The following ANGPT2 variants were observed in gnomAD, a reference collection of about 807,000 sequenced individuals.
ANGPT2 encodes angiopoietin 2.
ANGPT2 carries 28 observed loss-of-function variants against 62.9 expected under a neutral mutation model. The ratio of observed to expected loss-of-function variants is 0.44; its 90% CI spans 0.33 to 0.61. The LOEUF is 0.61. Ranked by LOEUF, ANGPT2 falls within the 20% of genes least tolerant of loss-of-function variation. The pLI is 0.03. For synonymous variants in ANGPT2, 284 were observed against 207.8 expected, an observed-to-expected ratio of 1.37 and a Z score of -3.15; for missense variants, 727 against 594.9, an observed-to-expected ratio of 1.22 and a Z score of -2.31.
At chr8:6,526,481 T>G (rs1268519161) in intron 3 of ANGPT2, among the ~76,000 whole-genome samples, 2 of 151,970 alleles carry the variant, frequency 1.3e-5, no homozygotes, top group Non-Finnish European at 2.9e-5. Flanking sequence ...GATTGTTATA[T>G]CTCAATGATT....
At position 6,502,214 on chromosome 8, in the gene ANGPT2, C is replaced by T. The variant is rs796132394; in HGVS notation, c.*887G>A. 9 of 152,098 alleles carry T rather than the reference C, an allele frequency of 5.9e-5. No individual in the cohort carries two copies. The highest frequency in any genetic ancestry group is 2.2e-4 in the African/African-American group (9 of 41,512). 9.4% of individuals were successfully genotyped at this position (152,098 alleles called of 1,614,324 possible). On this transcript the variant is annotated 3_prime_UTR_variant, in exon 9 of 9. Coordinates refer to ENST00000629816, the MANE Select transcript of ANGPT2 (RefSeq NM_001118887.2). ...CCTCATCATTAAAAGTAAGAAGTTT[C>T]CTTATCACAAGGCACAATTAGGTCT...
chr8:6,522,224 G>T (rs1239749049), intron 3 of ANGPT2, among the ~76,000 whole-genome samples: 4 of 152,114 alleles, frequency 2.6e-5, no homozygotes, highest in African/African-American at 9.6e-5. Context: ...GCGTGGTGGC[G>T]GGCGCCTGTA....
intron 1 of ANGPT2, among the ~76,000 whole-genome samples, chr8:6,541,489 C>G (rs1821566126): frequency 6.6e-6 from 1 of 152,136 alleles, no homozygotes; most frequent in South Asian, 2.1e-4. Context: ...AGACAGGAAA[C>G]CAAAGCCAGG....
chr8:6,503,085 A>T lies in ANGPT2; in HGVS notation c.*16T>A. 1 of 1,614,034 alleles carries T rather than the reference A, an allele frequency of 6.2e-7. No homozygotes were observed. The highest frequency in any genetic ancestry group is 8.5e-7 in the Non-Finnish European group (1 of 1,179,944). ...TGAAAATAGTTCGAGACAGTTCCTCAGGTGGACTGGGATGTTTAGAAATCT... is the reference window on the plus strand; with the variant it reads ...TGAAAATAGTTCGAGACAGTTCCTCTGGTGGACTGGGATGTTTAGAAATCT... On this transcript the variant is annotated 3_prime_UTR_variant, in exon 9 of 9. Transcript: ENST00000629816.
chr8:6,552,044 A>G (rs1402077206), intron 1 of ANGPT2, among the ~76,000 whole-genome samples: 7 of 152,382 alleles, frequency 4.6e-5, no homozygotes, highest in African/African-American at 7.2e-5. Flanking sequence ...TCCAGAAATT[A>G]TGGCAGAGAA....
intron 2 of ANGPT2, among the ~76,000 whole-genome samples, chr8:6,529,596 A>G (rs1218247854): frequency 2.0e-5 from 3 of 149,662 alleles, no homozygotes; most frequent in Non-Finnish European, 4.4e-5. Flanking sequence ...AACTGGGTCT[A>G]TAAGTGCACA....
At chr8:6,531,886 T>C (rs533711830) in intron 2 of ANGPT2, among the ~76,000 whole-genome samples, 7 of 152,338 alleles carry the variant, frequency 4.6e-5, no homozygotes, top group South Asian at 2.1e-4. Flanking sequence ...CTGTGTTAGC[T>C]GTTGAGATTC....
intron 1 of ANGPT2, among the ~76,000 whole-genome samples, chr8:6,546,247 C>G (rs1822559261): frequency 6.6e-6 from 1 of 152,232 alleles, no homozygotes; most frequent in Admixed American, 6.5e-5. Flanking sequence ...GGGAGACAGT[C>G]TGAATATTCA....
intron 1 of ANGPT2, among the ~76,000 whole-genome samples, chr8:6,542,911 TC>T (rs1231866559): frequency 6.6e-6 from 1 of 152,240 alleles, no homozygotes; most frequent in African/African-American, 2.4e-5. Context: ...TAGATAATTT[TC>T]TAGAAGACAT....
Position 6,562,986 on chromosome 8 carries a change from G to A in ANGPT2, c.-52C>T, listed in dbSNP as rs774872327. ...TTAGCAAACTTGAGGGCAAACACACGTCCAGAGTCCCGAGCTGCTGCCGTC... is the reference window on the plus strand; with the variant it reads ...TTAGCAAACTTGAGGGCAAACACACATCCAGAGTCCCGAGCTGCTGCCGTC... On this transcript the variant is annotated 5_prime_UTR_variant, in exon 1 of 9. In the 5' UTR this introduces an upstream ATG that the reference lacks. Coordinates refer to ENST00000629816, the MANE Select transcript of ANGPT2 (RefSeq NM_001118887.2). 13 of 1,532,160 alleles carry A rather than the reference G, an allele frequency of 8.5e-6. No individual in the cohort carries two copies. Among genetic ancestry groups the A allele is most frequent in the Non-Finnish European group, 1.1e-5 (12 of 1,132,478 alleles). The allele number at this position is 1,532,160 out of a possible 1,614,324, so 94.9% of individuals were successfully genotyped here. A position where few individuals can be genotyped will look rare whatever the true frequency, so the allele number is the denominator to read the frequency against.
At chr8:6,548,484 G>C (rs1823011304) in intron 1 of ANGPT2, among the ~76,000 whole-genome samples, 1 of 152,282 alleles carries the variant, frequency 6.6e-6, no homozygotes, top group Non-Finnish European at 1.5e-5. Flanking sequence ...CGAGGAAAAT[G>C]CTGGGTTTTT....
At chr8:6,529,118 A>G (rs916436585) in intron 2 of ANGPT2, among the ~76,000 whole-genome samples, 2 of 152,248 alleles carry the variant, frequency 1.3e-5, no homozygotes, top group Admixed American at 1.3e-4. Flanking sequence ...TGATTGGCCC[A>G]GTAGTAATTG....
Position 6,499,940 on chromosome 8 carries a change from TG to T in ANGPT2, c.*3160del, listed in dbSNP as rs1811828456. On this transcript the variant is annotated 3_prime_UTR_variant, in exon 9 of 9. Transcript: ENST00000629816. ...TTCCCTGCAGCTCCCGTAAGTCAGA[TG>T]TTGTTTTACGATGGTAAATGCAGTT... is the stretch of plus-strand genomic sequence containing the variant. The T allele has an allele frequency of 1.2e-6, 2 of 1,610,798 alleles. No individual in the cohort carries two copies. The highest frequency in any genetic ancestry group is 1.7e-6 in the Non-Finnish European group (2 of 1,177,276).
rs554876565 is a variant in ANGPT2 at position 6,509,048 on chromosome 8, C to T, written c.1211G>A (p.Gly404Glu). The T allele has an allele frequency of 6.8e-6, 11 of 1,614,018 alleles. 1 individual carries two copies. In the South Asian group the frequency reaches 1.2e-4, roughly 18 times the overall value. ...EELNYRIHLK[G>E]LTGTAGKISS... ...TATTTTGCCGGCTGTCCCTGTAAGT[C>T]CTTTAAGGTGAATCCTGTAAGCGTG... The change falls in exon 8 of 9, where the codon GGA (glycine) becomes GAA (glutamate). Residue 404 changes from glycine to glutamate, a missense_variant. Coordinates refer to ENST00000629816, the MANE Select transcript of ANGPT2 (RefSeq NM_001118887.2).
At chr8:6,504,188 G>C (rs1038400038) in intron 8 of ANGPT2, among the ~76,000 whole-genome samples, 1 of 151,698 alleles carries the variant, frequency 6.6e-6, no homozygotes. Context: ...CGTGGTGGCG[G>C]ACGCCTGTAG....
At chr8:6,509,094 G>C (rs1814397871) in intron 7 of ANGPT2, 32 bp from the exon 8 acceptor site, 3 of 1,604,614 alleles carry the variant, frequency 1.9e-6, no homozygotes, top group Non-Finnish European at 2.6e-6. Flanking sequence ...AAACACATTG[G>C]CTAGGGTCAT....
intron 1 of ANGPT2, among the ~76,000 whole-genome samples, chr8:6,542,499 G>A (rs1209355192): frequency 6.6e-6 from 1 of 152,022 alleles, no homozygotes; most frequent in East Asian, 1.9e-4. Flanking sequence ...TAGCGCCTGG[G>A]TCACAGTGCT....
At position 6,500,804 on chromosome 8, in the gene ANGPT2, C is replaced by A. The variant is rs1397703331; in HGVS notation, c.*2297G>T. On this transcript the variant is annotated 3_prime_UTR_variant, in exon 9 of 9. Coordinates refer to ENST00000629816, the MANE Select transcript of ANGPT2 (RefSeq NM_001118887.2). ...GTAAAGTAAAAACACAAATTCCCCCCATTCTCGCTCATAAGAGATTATATA... is the reference window on the plus strand; with the variant it reads ...GTAAAGTAAAAACACAAATTCCCCCAATTCTCGCTCATAAGAGATTATATA... 6.6e-6 allele frequency: 1 copy of A among 152,194 alleles called. No homozygotes were observed. Among genetic ancestry groups the A allele is most frequent in the Non-Finnish European group, 1.5e-5 (1 of 68,032 alleles). The allele number at this position is 152,194 out of a possible 1,614,324, so 9.4% of individuals were successfully genotyped here.
chr8:6,535,526 C>G (rs544509527), intron 1 of ANGPT2, among the ~76,000 whole-genome samples: 7 of 152,164 alleles, frequency 4.6e-5, no homozygotes, highest in Non-Finnish European at 8.8e-5. Context: ...TTATGTTAAT[C>G]TTACATAAAA....
Sources: allele counts gnomAD v4.1 joint callset (sites outside exome capture counted in the v4.1 genomes callset), GRCh38; gene constraint gnomAD v4.1.1; transcripts MANE v1.5; gene names NCBI Gene and HGNC (gene_info 2026-07-23, HGNC 2026-07-21).